Variants in NREP observed in about 807,000 individuals in gnomAD.
The protein encoded by NREP is neuronal regeneration-related protein.
NREP carries 5 observed loss-of-function variants against 8.6 expected under a neutral mutation model. That is an observed-to-expected ratio of 0.58 (90% CI 0.30 to 1.22). The LOEUF is 1.22. Ranked by LOEUF, NREP falls within the 50% of genes most tolerant of loss-of-function variation. NREP has a pLI of 0.07. For synonymous variants in NREP, 27 were observed against 28.0 expected (o/e 0.96, Z 0.11); for missense variants, 86 against 82.5 (o/e 1.04, Z -0.17).
At chr5:111,766,374 A>G (rs564039259) in intron 2 of NREP, among the ~76,000 whole-genome samples, 1 of 152,288 alleles carries the variant, frequency 6.6e-6, no homozygotes, top group African/African-American at 2.4e-5. Flanking sequence ...GATTTGCCTC[A>G]TTTTGCATCA....
chr5:111,812,160 A>T (rs1752284584), intron 2 of NREP, among the ~76,000 whole-genome samples: 1 of 152,044 alleles, frequency 6.6e-6, no homozygotes, highest in African/African-American at 2.4e-5. Flanking sequence ...GGTGGCTCAC[A>T]CCGGTAGTCC....
At chr5:111,937,858 C>T (rs1755725764) in intron 2 of NREP, among the ~76,000 whole-genome samples, 1 of 152,042 alleles carries the variant, frequency 6.6e-6, no homozygotes, top group Non-Finnish European at 1.5e-5. Flanking sequence ...CAGTCCATGA[C>T]TCCAATTTAC....
At chr5:111,838,620 G>C (rs1752952151) in intron 2 of NREP, among the ~76,000 whole-genome samples, 1 of 151,954 alleles carries the variant, frequency 6.6e-6, no homozygotes, top group Non-Finnish European at 1.5e-5. Context: ...TCTATCGGAG[G>C]GTTTCCTGTC....
intron 2 of NREP, among the ~76,000 whole-genome samples, chr5:111,809,615 C>T (rs1471547271): frequency 6.6e-6 from 1 of 152,124 alleles, no homozygotes; most frequent in Admixed American, 6.5e-5. Flanking sequence ...TTTGCCTCTT[C>T]TCATGTATCC....
intron 2 of NREP, among the ~76,000 whole-genome samples, chr5:111,752,152 T>G (rs1025641890): frequency 2.0e-5 from 3 of 152,210 alleles, no homozygotes; most frequent in Non-Finnish European, 4.4e-5. Context: ...TTCAATGTAT[T>G]TATGATGATG....
At chr5:111,891,927 G>A (rs1754404882) in intron 2 of NREP, among the ~76,000 whole-genome samples, 1 of 152,104 alleles carries the variant, frequency 6.6e-6, no homozygotes, top group Non-Finnish European at 1.5e-5. Context: ...ATTCTGGTGG[G>A]GACAAATATC....
intron 2 of NREP, chr5:111,738,728 A>T (rs1250065094): frequency 2.0e-5 from 3 of 152,192 alleles, no homozygotes; most frequent in Non-Finnish European, 4.4e-5. Flanking sequence ...TTATGGGCTG[A>T]CTTGTATCAC....
At chr5:111,803,127 C>T (rs1752051900) in intron 2 of NREP, among the ~76,000 whole-genome samples, 1 of 152,086 alleles carries the variant, frequency 6.6e-6, no homozygotes, top group African/African-American at 2.4e-5. Context: ...TTCCCAAGTG[C>T]CATTGATACC....
chr5:111,928,581 C>T (rs1380858998), intron 2 of NREP, among the ~76,000 whole-genome samples: 1 of 152,014 alleles, frequency 6.6e-6, no homozygotes, highest in Non-Finnish European at 1.5e-5. Context: ...AATGTGTTGC[C>T]CCCTCTAATA....
chr5:111,867,308 C>T (rs981035181), intron 2 of NREP, among the ~76,000 whole-genome samples: 3 of 152,132 alleles, frequency 2.0e-5, no homozygotes, highest in Non-Finnish European at 4.4e-5. Flanking sequence ...AGGTCAGGTT[C>T]TGGCAAAGGC....
chr5:111,962,048 A>G (rs1453309418), intron 2 of NREP, among the ~76,000 whole-genome samples: 1 of 152,178 alleles, frequency 6.6e-6, no homozygotes, highest in African/African-American at 2.4e-5. Context: ...ATCCCAGAGG[A>G]GGAGGCAGGA....
chr5:111,948,700 A>T (rs1756065030), intron 2 of NREP, among the ~76,000 whole-genome samples: 1 of 152,064 alleles, frequency 6.6e-6, no homozygotes, highest in Admixed American at 6.6e-5. Flanking sequence ...TCAGTCTGTC[A>T]CCTTTCTCAA....
At chr5:111,804,756 CTT>C (rs1199950318) in intron 2 of NREP, among the ~76,000 whole-genome samples, 3 of 151,820 alleles carry the variant, frequency 2.0e-5, no homozygotes, top group Non-Finnish European at 4.4e-5. Flanking sequence ...AGTCCCAGCA[CTT>C]TGGAAGGCCG....
At chr5:111,799,717 T>C (rs962049006) in intron 2 of NREP, among the ~76,000 whole-genome samples, 3 of 152,348 alleles carry the variant, frequency 2.0e-5, no homozygotes, top group East Asian at 1.9e-4. Flanking sequence ...CTAGAGGACA[T>C]AGTTACTTAC....
intron 2 of NREP, among the ~76,000 whole-genome samples, chr5:111,831,938 A>G (rs1022820640): frequency 6.6e-6 from 1 of 152,154 alleles, no homozygotes; most frequent in Non-Finnish European, 1.5e-5. Flanking sequence ...TGGGTTGAGT[A>G]CACTGCTTGC....
At chr5:111,879,233 C>T (rs1003157536) in intron 2 of NREP, among the ~76,000 whole-genome samples, 3 of 152,234 alleles carry the variant, frequency 2.0e-5, no homozygotes, top group East Asian at 1.9e-4. Context: ...TCACCAGAAA[C>T]CAAACCAAAT....
chr5:111,876,719 A>G (rs1165146473), intron 2 of NREP, among the ~76,000 whole-genome samples: 1 of 152,260 alleles, frequency 6.6e-6, no homozygotes, highest in Non-Finnish European at 1.5e-5. Context: ...TATCCATAAC[A>G]TTAATCAAAT....
At chr5:111,877,699 C>T (rs557874705) in intron 2 of NREP, among the ~76,000 whole-genome samples, 39 of 152,326 alleles carry the variant, frequency 2.6e-4, no homozygotes, top group African/African-American at 8.7e-4. Context: ...CATTCCTAAG[C>T]TTTGTTCCAT....
intron 2 of NREP, among the ~76,000 whole-genome samples, chr5:111,855,897 T>C (rs1581168078): frequency 6.6e-6 from 1 of 152,236 alleles, no homozygotes; most frequent in Middle Eastern, 3.4e-3. Flanking sequence ...GAAAGAAAAC[T>C]GTTTGCAGCT....
Sources: gnomAD v4.1 joint callset for allele counts (sites outside exome capture counted in the v4.1 genomes callset) on GRCh38, gnomAD v4.1.1 for gene constraint, MANE v1.5 for transcripts, NCBI Gene and HGNC (gene_info 2026-07-23, HGNC 2026-07-21) for gene names.